Variants in TXNRD1 observed in about 807,000 individuals in gnomAD.
The protein encoded by TXNRD1 is thioredoxin reductase 1.
TXNRD1 carries 57 observed loss-of-function variants against 80.3 expected under a neutral mutation model. That is an observed-to-expected ratio of 0.71 (90% CI 0.57 to 0.89). The LOEUF (loss-of-function observed/expected upper bound fraction) is 0.89. Ranked by LOEUF, TXNRD1 falls within the 40% of genes least tolerant of loss-of-function variation. The pLI is 0.00. For missense variants in TXNRD1, 730 were observed against 803.0 expected (o/e 0.91, Z 1.10); for synonymous variants, 291 against 285.2 (o/e 1.02, Z -0.20).
chr12:104,342,633 G>C (rs576375142), intron 16 of TXNRD1, among the ~76,000 whole-genome samples: 34 of 152,200 alleles, frequency 2.2e-4, no homozygotes, highest in African/African-American at 7.2e-4. Flanking sequence ...AGCTTAAAGA[G>C]CTTAGAGAGT....
intron 3 of TXNRD1, among the ~76,000 whole-genome samples, chr12:104,278,023 C>T (rs1283080495): frequency 1.3e-5 from 2 of 151,356 alleles, no homozygotes; most frequent in Non-Finnish European, 2.9e-5. Flanking sequence ...ACTACAGGCG[C>T]CTACAACCAC....
chr12:104,268,133 G>A (rs950557326), intron 3 of TXNRD1, among the ~76,000 whole-genome samples: 2 of 151,528 alleles, frequency 1.3e-5, no homozygotes, highest in African/African-American at 2.4e-5. Flanking sequence ...GGGATTACAG[G>A]TGTGAGCCAC....
chr12:104,305,996 G>A (rs1166461220), intron 4 of TXNRD1, among the ~76,000 whole-genome samples: 3 of 151,950 alleles, frequency 2.0e-5, no homozygotes, highest in Admixed American at 6.6e-5. Flanking sequence ...CTCTGCCTGC[G>A]GGGTTCAGGC....
At chr12:104,286,705 C>G in intron 3 of TXNRD1, 1 of 995,490 alleles carries the variant, frequency 1.0e-6, no homozygotes, top group Non-Finnish European at 1.2e-6. Flanking sequence ...ATGACAACAG[C>G]TAGCAAAGTT....
At chr12:104,268,796 C>T (rs563606717) in intron 3 of TXNRD1, among the ~76,000 whole-genome samples, 43 of 151,906 alleles carry the variant, frequency 2.8e-4, no homozygotes, top group South Asian at 1.5e-3. Context: ...GGATTACAGT[C>T]GTGAGCCACC....
intron 3 of TXNRD1, among the ~76,000 whole-genome samples, chr12:104,266,496 A>G (rs1018579681): frequency 1.5e-5 from 2 of 136,994 alleles, no homozygotes; most frequent in Non-Finnish European, 3.1e-5. Context: ...ACTGCACTCC[A>G]GTCTGGTGAC....
At chr12:104,320,549 A>T (rs2035492665) in intron 9 of TXNRD1, among the ~76,000 whole-genome samples, 1 of 152,154 alleles carries the variant, frequency 6.6e-6, no homozygotes, top group African/African-American at 2.4e-5. Context: ...CTCATTCTCT[A>T]ACATGCTTTT....
chr12:104,331,313 A>G (rs1365582017), intron 13 of TXNRD1, among the ~76,000 whole-genome samples: 5 of 152,158 alleles, frequency 3.3e-5, no homozygotes, highest in African/African-American at 1.2e-4. Context: ...TTTTTCTCAT[A>G]GTCTTACCAG....
chr12:104,251,516 A>G lies in TXNRD1; in HGVS notation c.92-11A>G. The G allele has an allele frequency of 4.3e-6, 7 of 1,612,670 alleles. No individual in the cohort carries two copies. The highest frequency in any genetic ancestry group is 1.7e-5 in the Admixed American group (1 of 59,800). On this transcript the variant is annotated splice_polypyrimidine_tract_variant and intron_variant, in intron 1 of 16. Transcript: ENST00000525566. ...TGTGATAATTACCATCCTTACTTCCATTACTTCTAGCTAAAGATCATCACC... is the reference window on the plus strand; with the variant it reads ...TGTGATAATTACCATCCTTACTTCCGTTACTTCTAGCTAAAGATCATCACC...
intron 15 of TXNRD1, among the ~76,000 whole-genome samples, chr12:104,338,787 G>C (rs2036228232): frequency 6.6e-6 from 1 of 151,928 alleles, no homozygotes; most frequent in South Asian, 2.1e-4. Context: ...CACGATCTCG[G>C]CTCACTGCAA....
At chr12:104,258,223 A>C (rs953490852) in intron 3 of TXNRD1, 144 bp downstream of exon 3, 13 of 631,508 alleles carry the variant, frequency 2.1e-5, no homozygotes, top group African/African-American at 1.7e-4. Context: ...GGTCTTTTAG[A>C]CAGGGTACTC....
At chr12:104,328,298 T>C (rs1414149501) in intron 13 of TXNRD1, among the ~76,000 whole-genome samples, 1 of 152,210 alleles carries the variant, frequency 6.6e-6, no homozygotes, top group Non-Finnish European at 1.5e-5. Flanking sequence ...TCTAAACAGT[T>C]GTATTTTATG....
At chr12:104,216,943 G>A (rs1026037110) in intron 1 of TXNRD1, among the ~76,000 whole-genome samples, 2 of 152,234 alleles carry the variant, frequency 1.3e-5, no homozygotes, top group African/African-American at 4.8e-5. Flanking sequence ...GGGGATGGCA[G>A]CTCCCATAGA....
intron 4 of TXNRD1, among the ~76,000 whole-genome samples, chr12:104,301,472 G>A (rs1403654821): frequency 6.6e-6 from 1 of 152,098 alleles, no homozygotes; most frequent in East Asian, 1.9e-4. Context: ...AGAGTAGCTG[G>A]GACTACAGGC....
At position 104,296,482 on chromosome 12, in the gene TXNRD1, G is replaced by T. The variant is rs56047926; in HGVS notation, c.414+7442G>T. 9.9e-3 allele frequency among the ~76,000 whole-genome samples: 1,512 copies of T among 152,158 alleles called. 26 individuals are homozygous for T. The highest frequency in any genetic ancestry group is 0.031 in the African/African-American group (1,280 of 41,514). The stretch of plus-strand genomic sequence containing the variant: ...GAGTGCGGTGGCACTATCATGGCTC[G>T]CTGCAGCCTCAACCCCCCTGGGCTC... On this transcript the variant is annotated intron_variant, in intron 4 of 16. Transcript: ENST00000525566.
At position 104,318,956 on chromosome 12, in the gene TXNRD1, C is replaced by T. The variant is rs755773470; in HGVS notation, c.774C>T (p.His258=). 113 of 1,613,816 alleles carry T rather than the reference C, an allele frequency of 7.0e-5. No individual in the cohort carries two copies. The highest frequency in any genetic ancestry group is 9.3e-5 in the Non-Finnish European group (110 of 1,179,864). ...GAATGATAGAAGCTGTACAGAATCA[C>T]ATTGGCTCTTTGAATTGGGGCTACC... is the stretch of plus-strand genomic sequence containing the variant. ...WDRMIEAVQN[H]IGSLNWGYRV... The change falls in exon 8 of 17, where the codon CAC becomes CAT. Residue 258 remains histidine, a synonymous_variant. Transcript: ENST00000525566.
chr12:104,254,780 C>T (rs1429396535), intron 2 of TXNRD1, among the ~76,000 whole-genome samples: 1 of 147,194 alleles, frequency 6.8e-6, no homozygotes, highest in Non-Finnish European at 1.5e-5. Context: ...CACTGCACGC[C>T]AGCCTTGGTG....
rs569360699 is a variant in TXNRD1 at position 104,265,078 on chromosome 12, C to A, written c.304+6999C>A. ...ACTAGCCTGGCCAACATGGTGAAACCCCGTCTCTACTAAAAATACAAAAAT... is the reference window on the plus strand; with the variant it reads ...ACTAGCCTGGCCAACATGGTGAAACACCGTCTCTACTAAAAATACAAAAAT... On this transcript the variant is annotated intron_variant, in intron 3 of 16. Coordinates refer to ENST00000525566, the MANE Select transcript of TXNRD1 (RefSeq NM_001093771.3). Among the ~76,000 whole-genome samples, 52 of 152,080 alleles carry A rather than the reference C, an allele frequency of 3.4e-4. No individual in the cohort carries two copies. The South Asian group carries it at 4.8e-3, about 14-fold the overall frequency.
At chr12:104,240,062 T>G (rs2032826613) in intron 1 of TXNRD1, among the ~76,000 whole-genome samples, 1 of 152,210 alleles carries the variant, frequency 6.6e-6, no homozygotes, top group Admixed American at 6.5e-5. Flanking sequence ...TTGTACTGTC[T>G]CTGTCTAGTT....
Sources: gnomAD v4.1 joint callset for allele counts (sites outside exome capture counted in the v4.1 genomes callset) on GRCh38, gnomAD v4.1.1 for gene constraint, MANE v1.5 for transcripts, NCBI Gene and HGNC (gene_info 2026-07-23, HGNC 2026-07-21) for gene names.